Variants in KLF12 observed in about 807,000 individuals in gnomAD.
KLF12 encodes the protein KLF transcription factor 12, also known as Krueppel-like factor 12.
In KLF12, 9 loss-of-function variants were observed where a neutral mutation model predicts 37.8. That is an observed-to-expected ratio of 0.24 (90% CI 0.14 to 0.42). The LOEUF is 0.42. KLF12 is among the 10% of genes least tolerant of loss of function. The pLI is 1.00. For synonymous variants in KLF12, 208 were observed against 202.1 expected, an observed-to-expected ratio of 1.03 and a Z score of -0.25; for missense variants, 411 against 516.0, an observed-to-expected ratio of 0.80 and a Z score of 1.97.
At chr13:74,070,364 G>A (rs1378567912) in intron 1 of KLF12, among the ~76,000 whole-genome samples, 1 of 152,206 alleles carries the variant, frequency 6.6e-6, no homozygotes, top group Non-Finnish European at 1.5e-5. Context: ...TGTACACTCA[G>A]GCACCTTGAG....
At chr13:74,163,432 A>G in the KLF12 span, among the ~76,000 whole-genome samples, 2 of 152,246 alleles carry the variant, frequency 1.3e-5, no homozygotes, top group African/African-American at 4.8e-5. Context: ...ATTTGCAGCA[A>G]CATGGATGGA....
At chr13:73,853,068 C>T (rs369920300) in intron 3 of KLF12, among the ~76,000 whole-genome samples, 20 of 151,802 alleles carry the variant, frequency 1.3e-4, no homozygotes, top group African/African-American at 4.1e-4. Context: ...AGGGTTTCAC[C>T]GTGTTAGCCA....
the KLF12 span, among the ~76,000 whole-genome samples, chr13:74,214,592 C>T: frequency 1.3e-5 from 2 of 151,732 alleles, no homozygotes; most frequent in Non-Finnish European, 2.9e-5. Flanking sequence ...GCATTATCAT[C>T]GTCTATCTTC....
chr13:74,275,813 T>TCTTTCTTTCCTTC, the KLF12 span, among the ~76,000 whole-genome samples: 1 of 94,662 alleles, frequency 1.1e-5, no homozygotes. Context: ...TTTCCTTCTT[T>TCTTTCTTTCCTTC]CTTTCTTTCT....
intron 6 of KLF12, among the ~76,000 whole-genome samples, chr13:73,750,097 C>T (rs1379957216): frequency 6.6e-6 from 1 of 152,116 alleles, no homozygotes; most frequent in African/African-American, 2.4e-5. Flanking sequence ...TCAGGCATAA[C>T]AACGATAAAC....
chr13:73,739,959 A>G (rs1298993317), intron 6 of KLF12, among the ~76,000 whole-genome samples: 1 of 152,188 alleles, frequency 6.6e-6, no homozygotes, highest in African/African-American at 2.4e-5. Flanking sequence ...AAGTGTAACA[A>G]GAAGCCTTCC....
intron 1 of KLF12, among the ~76,000 whole-genome samples, chr13:74,024,112 C>A (rs1360284303): frequency 6.6e-6 from 1 of 152,136 alleles, no homozygotes; most frequent in Admixed American, 6.5e-5. Context: ...CATACGAAAA[C>A]TCAAAACATT....
chr13:73,730,343 T>C (rs990938209), intron 6 of KLF12, among the ~76,000 whole-genome samples: 1 of 152,164 alleles, frequency 6.6e-6, no homozygotes, highest in African/African-American at 2.4e-5. Context: ...GGCAAAAGTA[T>C]AACAGCTTTG....
chr13:73,913,000 C>T (rs554635027), intron 3 of KLF12, among the ~76,000 whole-genome samples: 6 of 151,648 alleles, frequency 4.0e-5, no homozygotes, highest in African/African-American at 1.5e-4. Context: ...TCCAAGAAAC[C>T]TTCCCTTATT....
the KLF12 span, among the ~76,000 whole-genome samples, chr13:74,233,640 T>C: frequency 6.6e-6 from 1 of 152,308 alleles, no homozygotes; most frequent in East Asian, 1.9e-4. Context: ...TGACTAAATA[T>C]TCTATATGAA....
intron 1 of KLF12, among the ~76,000 whole-genome samples, chr13:74,048,070 A>G (rs1893594472): frequency 6.6e-6 from 1 of 152,242 alleles, no homozygotes; most frequent in Admixed American, 6.5e-5. Flanking sequence ...GCACTGAGAC[A>G]GACGTCCAGC....
At position 73,721,974 on chromosome 13, in the gene KLF12, C is replaced by T. The variant is rs547113846; in HGVS notation, c.870-6449G>A. Among the ~76,000 whole-genome samples the T allele has an allele frequency of 3.9e-5, 6 of 152,138 alleles. No homozygotes were observed. The East Asian group carries it at 1.2e-3, about 29-fold the overall frequency. On this transcript the variant is annotated intron_variant, in intron 6 of 7. Transcript: ENST00000377669. The stretch of plus-strand genomic sequence containing the variant: ...GACCATTAATGCCACAAAATTAGTC[C>T]CTTCCCTGACATTCCACTTTATTTA...
chr13:74,102,772 A>T (rs549686441), intron 1 of KLF12, among the ~76,000 whole-genome samples: 5 of 152,168 alleles, frequency 3.3e-5, no homozygotes, highest in Non-Finnish European at 7.4e-5. Flanking sequence ...CACACTTAAA[A>T]ACTGTGGAGG....
At position 73,687,387 on chromosome 13, in the gene KLF12, C is replaced by T. The variant is rs889229250; in HGVS notation, c.*8103G>A. ...AAATGAAGCTTTAAACACAACAAAT[C>T]GTGGACAGACACGTTGATAGGAAAG... On this transcript the variant is annotated 3_prime_UTR_variant, in exon 8 of 8. Coordinates refer to ENST00000377669, the MANE Select transcript of KLF12 (RefSeq NM_007249.5). 2 of 152,554 alleles carry T rather than the reference C, an allele frequency of 1.3e-5. No homozygotes were observed. The highest frequency in any genetic ancestry group is 2.4e-5 in the African/African-American group (1 of 41,450). 9.5% of individuals were successfully genotyped at this position (152,554 alleles called of 1,614,324 possible).
the KLF12 span, among the ~76,000 whole-genome samples, chr13:74,266,673 G>A: frequency 1.3e-3 from 198 of 152,274 alleles, 1 homozygote; most frequent in African/African-American, 2.7e-3. Context: ...GGATAGATAC[G>A]TAGATAGATA....
chr13:74,270,475 T>G, the KLF12 span, among the ~76,000 whole-genome samples: 1 of 152,164 alleles, frequency 6.6e-6, no homozygotes, highest in Non-Finnish European at 1.5e-5. Flanking sequence ...TGAGTGAACT[T>G]CCCTGATTGG....
rs1891226377 is a variant in KLF12 at position 73,968,187 on chromosome 13, T to G, written c.34-24117A>C. On this transcript the variant is annotated intron_variant, in intron 2 of 7. Coordinates refer to ENST00000377669, the MANE Select transcript of KLF12 (RefSeq NM_007249.5). ...TCCTTTTCTTTGCTCAGATGCTTAA[T>G]TTACATTTGCTGCTTCTCATCTGTT... Among the ~76,000 whole-genome samples, 3 of 152,308 alleles carry G rather than the reference T, an allele frequency of 2.0e-5. No individual in the cohort carries two copies. In the South Asian group the frequency reaches 6.2e-4, roughly 32 times the overall value.
intron 1 of KLF12, among the ~76,000 whole-genome samples, chr13:73,998,128 C>G (rs954143438): frequency 7.2e-5 from 11 of 152,034 alleles, no homozygotes; most frequent in Non-Finnish European, 1.6e-4. Context: ...CAGAAGTGAC[C>G]CTGGCCATAG....
At chr13:73,725,261 C>G (rs1197955399) in intron 6 of KLF12, among the ~76,000 whole-genome samples, 1 of 152,078 alleles carries the variant, frequency 6.6e-6, no homozygotes, top group Non-Finnish European at 1.5e-5. Context: ...CCACCACACC[C>G]AGCTAATTTT....
Sources: allele counts gnomAD v4.1 joint callset (sites outside exome capture counted in the v4.1 genomes callset), GRCh38; gene constraint gnomAD v4.1.1; transcripts MANE v1.5; gene names NCBI Gene and HGNC (gene_info 2026-07-23, HGNC 2026-07-21).